The following SOX13 variants were observed in gnomAD, a reference collection of about 807,000 sequenced individuals.
SOX13 encodes SRY-box transcription factor 13, also known as transcription factor SOX-13.
SOX13 carries 28 observed loss-of-function variants against 71.8 expected under a neutral mutation model. That is an observed-to-expected ratio of 0.39 (90% CI 0.29 to 0.53). The LOEUF (loss-of-function observed/expected upper bound fraction) is 0.53, where lower values mean the gene tolerates loss of function less well. Ranked by LOEUF, SOX13 falls within the 20% of genes least tolerant of loss-of-function variation. SOX13 has a pLI of 0.70. For missense variants in SOX13, 627 were observed against 810.3 expected (o/e 0.77, Z 2.75); for synonymous variants, 309 against 317.8 (o/e 0.97, Z 0.29).
chr1:204,092,752 C>T (rs1411040506), intron 1 of SOX13, among the ~76,000 whole-genome samples: 1 of 152,076 alleles, frequency 6.6e-6, no homozygotes, highest in Non-Finnish European at 1.5e-5. Context: ...GGGTCATGGG[C>T]ATGGCCTTTA....
rs1656851971 is a variant in SOX13, at chr1:204,123,380, G to T, written c.1231+172G>T. 6.6e-6 allele frequency among the ~76,000 whole-genome samples: 1 copy of T among 152,178 alleles called. No individual in the cohort carries two copies. The highest frequency in any genetic ancestry group is 1.5e-5 in the Non-Finnish European group (1 of 68,034). On this transcript the variant is annotated intron_variant, in intron 11 of 13. Coordinates refer to ENST00000367204, the MANE Select transcript of SOX13 (RefSeq NM_005686.3). This position sits in a 1 kb window ranked among gnomAD's most constrained non-coding sequence, Gnocchi z 5.0. ...GTCTGTCGGCTCTGTCTCTGAGTCT[G>T]CTTTCCTAAGTTTTGTGACTGCTGA... is the stretch of plus-strand genomic sequence containing the variant.
chr1:204,095,554 A>G (rs7534608), intron 1 of SOX13, among the ~76,000 whole-genome samples: 133,895 of 152,122 alleles, frequency 0.88, 59,187 homozygotes, highest in African/African-American at 0.95. Flanking sequence ...TTGTCCCCTC[A>G]CCAGTCAGTG....
At position 204,112,949 on chromosome 1, in the gene SOX13, G is replaced by A; in HGVS notation, c.34G>A (p.Ala12Thr). 1 of 1,613,716 alleles carries A rather than the reference G, an allele frequency of 6.2e-7. No homozygotes were observed. Residue 12 changes from alanine to threonine, a missense_variant, in exon 2 of 14, where the codon GCC becomes ACC. By Grantham distance (58) the Ala-to-Thr change is moderately conservative. Around this residue, in one of 3 missense-constraint regions of SOX13, gnomAD observed 447 missense variants for 532.2 expected, o/e 0.84. Transcript: ENST00000367204. ...GAGGAGCCCCATCTCTGCCCAGCTG[G>A]CCCTGGATGGCGTTGGCACCATGGT... ...SMRSPISAQL[A>T]LDGVGTMVNC...
At position 204,113,344 on chromosome 1, in the gene SOX13, C is replaced by T. The variant is rs1223862437; in HGVS notation, c.219+210C>T. Among the ~76,000 whole-genome samples the T allele has an allele frequency of 3.3e-5, 5 of 152,366 alleles. No individual in the cohort carries two copies. In the East Asian group the frequency reaches 9.6e-4, roughly 29 times the overall value. On this transcript the variant is annotated intron_variant, in intron 2 of 13. Transcript: ENST00000367204. ...GTCACCTATCAGAGCAGGACCTAGA[C>T]TCATGCCTGTACTTACTCGCTTGAT...
At chr1:204,114,056 G>A (rs1656639979) in intron 2 of SOX13, among the ~76,000 whole-genome samples, 1 of 152,228 alleles carries the variant, frequency 6.6e-6, no homozygotes, top group African/African-American at 2.4e-5. Context: ...GTCAGGTTCA[G>A]AGCATTTCAG....
chr1:204,074,757 C>T (rs1655749658), intron 1 of SOX13, among the ~76,000 whole-genome samples: 1 of 152,202 alleles, frequency 6.6e-6, no homozygotes, highest in African/African-American at 2.4e-5. Flanking sequence ...CAGCCCTGGA[C>T]CTTTCCGGGA....
chr1:204,126,031 ACAGG>A lies in SOX13; in HGVS notation c.1769_1772del (p.Arg590ThrfsTer59). ...AGAGAGGAGGGTGAGGGCACAGATGACAGGCACTCGGTGGCTGATGGCGAGATGT... is the reference window on the plus strand; with the variant it reads ...AGAGAGGAGGGTGAGGGCACAGATGACACTCGGTGGCTGATGGCGAGATGT... On this transcript the variant is annotated frameshift_variant, in exon 14 of 14. Coordinates refer to ENST00000367204, the MANE Select transcript of SOX13 (RefSeq NM_005686.3). LOFTEE classifies it high-confidence loss of function. 1 of 1,613,974 alleles carries A rather than the reference ACAGG, an allele frequency of 6.2e-7. No individual in the cohort carries two copies.
Position 204,117,112 on chromosome 1 carries a change from C to G in SOX13, c.592-10C>G, listed in dbSNP as rs762327062. 49 of 1,613,718 alleles carry G rather than the reference C, an allele frequency of 3.0e-5. No homozygotes were observed. The highest frequency in any genetic ancestry group is 4.1e-5 in the Non-Finnish European group (48 of 1,179,764). ...CGTGACCCCCTCTGCCTACTCTTTC[C>G]CTCTCCCAGATTGCAAAGCAGCAGC... On this transcript the variant is annotated splice_polypyrimidine_tract_variant and intron_variant, in intron 5 of 13. Coordinates refer to ENST00000367204, the MANE Select transcript of SOX13 (RefSeq NM_005686.3).
At chr1:204,091,438 A>G (rs961510721) in intron 1 of SOX13, among the ~76,000 whole-genome samples, 4 of 152,198 alleles carry the variant, frequency 2.6e-5, no homozygotes, top group African/African-American at 9.6e-5. Context: ...ATATTTGTGA[A>G]TGAATGAGAT....
At chr1:204,122,132 T>C in intron 8 of SOX13, 105 bp from the exon 9 acceptor site, 7 of 1,129,566 alleles carry the variant, frequency 6.2e-6, no homozygotes, top group Non-Finnish European at 8.9e-6. Context: ...CTTTTCTGTC[T>C]GTCTCCTTGT....
At chr1:204,085,985 AAAAG>A (rs1054430147) in intron 1 of SOX13, among the ~76,000 whole-genome samples, 3 of 151,362 alleles carry the variant, frequency 2.0e-5, no homozygotes, top group African/African-American at 7.3e-5. Flanking sequence ...AAAAAAAAAG[AAAAG>A]AAAGAATGTA....
chr1:204,107,118 C>T (rs1656485899), intron 1 of SOX13, among the ~76,000 whole-genome samples: 1 of 152,210 alleles, frequency 6.6e-6, no homozygotes, highest in South Asian at 2.1e-4. Flanking sequence ...GCATCCTGGA[C>T]TGCGCACAAC....
intron 9 of SOX13, 74 bp from the exon 10 acceptor site, chr1:204,122,780 A>G (rs893403420): frequency 1.1e-6 from 1 of 884,858 alleles, no homozygotes; most frequent in Non-Finnish European, 1.7e-6. Context: ...AAGCTGATGG[A>G]GTTTGGGCTC....
At chr1:204,122,199 G>A (rs1391875520) in intron 8 of SOX13, 38 bp from the exon 9 acceptor site, 1 of 1,511,922 alleles carries the variant, frequency 6.6e-7, no homozygotes, top group South Asian at 1.3e-5. Context: ...AGTGTCCTTT[G>A]GTGTCTGTCA....
chr1:204,124,283 C>CAT (rs1656873516), intron 12 of SOX13, among the ~76,000 whole-genome samples: 2 of 152,212 alleles, frequency 1.3e-5, no homozygotes, highest in Admixed American at 1.3e-4. Flanking sequence ...TCAACTGAGA[C>CAT]ATCAGGTATT....
At chr1:204,119,561 G>C (rs1305298558) in intron 7 of SOX13, 2 of 152,182 alleles carry the variant, frequency 1.3e-5, no homozygotes, top group Admixed American at 1.3e-4. Context: ...GAATTGGGGT[G>C]GGGGAGGCAC....
At chr1:204,115,223 G>A (rs995562041) in intron 4 of SOX13, among the ~76,000 whole-genome samples, 1 of 151,726 alleles carries the variant, frequency 6.6e-6, no homozygotes, top group Non-Finnish European at 1.5e-5. Context: ...GCCCAGGCTG[G>A]TCTCGAACCC....
intron 7 of SOX13, chr1:204,119,680 C>T (rs1656763667): frequency 6.6e-6 from 1 of 152,228 alleles, no homozygotes; most frequent in Non-Finnish European, 1.5e-5. Context: ...CTTGTTCCAG[C>T]ATCAGTTCAA....
chr1:204,100,046 G>A (rs1656330267), intron 1 of SOX13, among the ~76,000 whole-genome samples: 2 of 152,210 alleles, frequency 1.3e-5, no homozygotes, highest in Admixed American at 6.5e-5. Context: ...GCTGAGGTGG[G>A]AGGATTGCTT....
Sources: allele counts gnomAD v4.1 joint callset (sites outside exome capture counted in the v4.1 genomes callset), GRCh38; gene constraint gnomAD v4.1.1; regional missense constraint gnomAD v4.1.1; non-coding constraint Gnocchi (gnomAD v3.1); transcripts MANE v1.5; gene names NCBI Gene and HGNC (gene_info 2026-07-23, HGNC 2026-07-21).